The following RIMS4 variants were observed in gnomAD, a reference collection of about 807,000 sequenced individuals.
The protein encoded by RIMS4 is regulating synaptic membrane exocytosis protein 4.
In RIMS4, 9 loss-of-function variants were observed where a neutral mutation model predicts 29.0. The observed-to-expected ratio is 0.31, with a 90% confidence interval of 0.19 to 0.54. The LOEUF (loss-of-function observed/expected upper bound fraction) is 0.54, where lower values mean the gene tolerates loss of function less well. Among genes scored for constraint, RIMS4 ranks in the 20% least tolerant of loss-of-function variants. The pLI is 0.94. For synonymous variants in RIMS4, 130 were observed against 152.9 expected (o/e 0.85, Z 1.10); for missense variants, 193 against 365.7 (o/e 0.53, Z 3.85).
intron 1 of RIMS4, among the ~76,000 whole-genome samples, chr20:44,803,511 A>G (rs1202201909): frequency 6.6e-6 from 1 of 152,050 alleles, no homozygotes; most frequent in Non-Finnish European, 1.5e-5. Context: ...CCCCATCCAC[A>G]TCCCTGCCCA....
intron 2 of RIMS4, among the ~76,000 whole-genome samples, chr20:44,770,132 C>T (rs1436929805): frequency 6.6e-6 from 1 of 152,122 alleles, no homozygotes; most frequent in Admixed American, 6.5e-5. Context: ...TTCCCATGTG[C>T]ACAAGAATCA....
chr20:44,800,304 T>C (rs1435780575), intron 1 of RIMS4, among the ~76,000 whole-genome samples: 3 of 152,094 alleles, frequency 2.0e-5, no homozygotes, highest in African/African-American at 4.8e-5. Context: ...AGAAGGGAGA[T>C]GCCATTTCTT....
chr20:44,767,635 G>A (rs564451897), intron 2 of RIMS4, among the ~76,000 whole-genome samples: 2 of 152,352 alleles, frequency 1.3e-5, no homozygotes, highest in South Asian at 4.1e-4. Flanking sequence ...CCAATGCCCG[G>A]ATTTGAATCC....
chr20:44,784,559 A>G (rs574269620), intron 1 of RIMS4, among the ~76,000 whole-genome samples: 1 of 152,252 alleles, frequency 6.6e-6, no homozygotes, highest in South Asian at 2.1e-4. Flanking sequence ...ACGTCCCAAA[A>G]CTGCTTAAAA....
intron 2 of RIMS4, among the ~76,000 whole-genome samples, chr20:44,760,983 T>A (rs1483005349): frequency 6.6e-6 from 1 of 152,136 alleles, no homozygotes; most frequent in Non-Finnish European, 1.5e-5. Flanking sequence ...TTGTGCTTCT[T>A]ATTAAATACT....
chr20:44,798,569 C>T (rs2066264556), intron 1 of RIMS4, among the ~76,000 whole-genome samples: 1 of 152,234 alleles, frequency 6.6e-6, no homozygotes, highest in Non-Finnish European at 1.5e-5. Flanking sequence ...CCATGCTAAG[C>T]AGGTCCCCCA....
chr20:44,789,932 T>C (rs1401992151), intron 1 of RIMS4, among the ~76,000 whole-genome samples: 1 of 152,180 alleles, frequency 6.6e-6, no homozygotes, highest in Admixed American at 6.5e-5. Context: ...GTCAACAGAA[T>C]GGGGAGATTG....
chr20:44,767,020 C>T (rs774028176), intron 2 of RIMS4, among the ~76,000 whole-genome samples: 7 of 152,174 alleles, frequency 4.6e-5, no homozygotes, highest in South Asian at 2.1e-4. Flanking sequence ...ACATGGGTTC[C>T]GAGAGTTCCC....
chr20:44,791,868 G>T (rs767243313), intron 1 of RIMS4, among the ~76,000 whole-genome samples: 14 of 152,132 alleles, frequency 9.2e-5, no homozygotes, highest in Non-Finnish European at 1.9e-4. Context: ...GCTGATCGTG[G>T]TCCCACCCAC....
chr20:44,770,582 G>A (rs541014961), intron 2 of RIMS4, among the ~76,000 whole-genome samples: 88 of 152,206 alleles, frequency 5.8e-4, no homozygotes, highest in Middle Eastern at 3.4e-3. Flanking sequence ...TAACAGTGGA[G>A]TTCTCAGGCC....
In RIMS4 at chr20:44,756,875, G is replaced by T. The variant is rs372191026; in HGVS notation, c.591+23C>A. 4.0e-5 allele frequency: 64 copies of T among 1,611,180 alleles called. No homozygotes were observed. Among genetic ancestry groups the T allele is most frequent in the Non-Finnish European group, 5.3e-5 (62 of 1,178,408 alleles). On this transcript the variant is annotated intron_variant, in intron 5 of 5. Transcript: ENST00000372851. The surrounding 1 kb of genome is among the most constrained non-coding windows in gnomAD (Gnocchi z 5.9). Reference sequence around the variant, plus strand: ...TGTGTGCTCGTGCACACACACACACGTGAGCGCGTCAATGCCCCTCACCTG... The same window carrying T: ...TGTGTGCTCGTGCACACACACACACTTGAGCGCGTCAATGCCCCTCACCTG...
chr20:44,788,080 T>C (rs1374878636), intron 1 of RIMS4, among the ~76,000 whole-genome samples: 1 of 152,208 alleles, frequency 6.6e-6, no homozygotes, highest in Admixed American at 6.5e-5. Flanking sequence ...TAACCACAGA[T>C]CTAGCTGGCT....
intron 1 of RIMS4, among the ~76,000 whole-genome samples, chr20:44,782,717 C>T (rs974243452): frequency 6.6e-6 from 1 of 152,202 alleles, no homozygotes; most frequent in Non-Finnish European, 1.5e-5. Flanking sequence ...ATTCTTCCAG[C>T]TGCTGCACTT....
At chr20:44,796,522 C>T (rs898913662) in intron 1 of RIMS4, among the ~76,000 whole-genome samples, 1 of 152,224 alleles carries the variant, frequency 6.6e-6, no homozygotes, top group African/African-American at 2.4e-5. Flanking sequence ...GGGAATCACA[C>T]AGTCCCTGCC....
chr20:44,762,466 G>C lies in RIMS4; in HGVS notation c.237-4282C>G, dbSNP rs114244162. On this transcript the variant is annotated intron_variant, in intron 2 of 5. Coordinates refer to ENST00000372851, the MANE Select transcript of RIMS4 (RefSeq NM_182970.4). ...AATGGTGGGGGTCTCACGGATTCCA[G>C]GCATGGAAGGAGCGCAGCCTCCCAG... Among the ~76,000 whole-genome samples the C allele has an allele frequency of 5.0e-3, 759 of 152,280 alleles. 6 individuals carry two copies. Among genetic ancestry groups the C allele is most frequent in the African/African-American group, 0.017 (690 of 41,550 alleles).
intron 1 of RIMS4, among the ~76,000 whole-genome samples, chr20:44,800,595 G>A (rs891821273): frequency 2.0e-5 from 3 of 151,874 alleles, no homozygotes; most frequent in East Asian, 1.9e-4. Context: ...AGGAGGGGGC[G>A]CTCTGGGGAT....
chr20:44,760,192 A>AG, intron 2 of RIMS4, among the ~76,000 whole-genome samples: 1 of 152,226 alleles, frequency 6.6e-6, no homozygotes, highest in Non-Finnish European at 1.5e-5. Context: ...AGGATCCTTG[A>AG]GGACGGTCTG....
chr20:44,810,145 G>T (rs1210416705), intron 1 of RIMS4, 30 bp downstream of exon 1: 7 of 1,467,110 alleles, frequency 4.8e-6, no homozygotes, highest in Non-Finnish European at 6.6e-6. Flanking sequence ...GGGACACCCC[G>T]GGGGTCTGGG....
chr20:44,769,285 C>G (rs1414375202), intron 2 of RIMS4, among the ~76,000 whole-genome samples: 1 of 152,208 alleles, frequency 6.6e-6, no homozygotes, highest in African/African-American at 2.4e-5. Context: ...TGTGGCCTTT[C>G]TGAGCCTTCA....
Sources: allele counts gnomAD v4.1 joint callset (sites outside exome capture counted in the v4.1 genomes callset), GRCh38; gene constraint gnomAD v4.1.1; non-coding constraint Gnocchi (gnomAD v3.1); transcripts MANE v1.5; gene names NCBI Gene and HGNC (gene_info 2026-07-23, HGNC 2026-07-21).